Variants in ATXN7L1 observed in about 807,000 individuals in gnomAD.
The protein encoded by ATXN7L1 is ataxin-7-like protein 1.
A neutral mutation model predicts 70.8 loss-of-function variants in ATXN7L1; 15 were observed. That is an observed-to-expected ratio of 0.21 (90% CI 0.14 to 0.33). The LOEUF (loss-of-function observed/expected upper bound fraction) is 0.33, where lower values mean the gene tolerates loss of function less well. Among genes scored for constraint, ATXN7L1 ranks in the 10% least tolerant of loss-of-function variants. ATXN7L1 has a pLI of 1.00. For synonymous variants in ATXN7L1, 440 were observed against 445.1 expected, an observed-to-expected ratio of 0.99 and a Z score of 0.14; for missense variants, 975 against 1,097.1, an observed-to-expected ratio of 0.89 and a Z score of 1.57.
rs200426179 is a variant in ATXN7L1 at position 105,697,339 on chromosome 7, C to G, written c.356-32051G>C. ...GAGGGGCCAGTTCAGAGACCTACCC[C>G]CCTAGGTGCACGTTCTCTTTCTCAG... On this transcript the variant is annotated intron_variant, in intron 3 of 11. Coordinates refer to ENST00000419735, the MANE Select transcript of ATXN7L1 (RefSeq NM_020725.2). 1.8e-4 allele frequency among the ~76,000 whole-genome samples: 28 copies of G among 152,298 alleles called. No individual in the cohort carries two copies. In the East Asian group the frequency reaches 4.6e-3, roughly 25 times the overall value.
At chr7:105,832,188 A>C (rs1389771717) in intron 2 of ATXN7L1, among the ~76,000 whole-genome samples, 1 of 152,216 alleles carries the variant, frequency 6.6e-6, no homozygotes, top group Non-Finnish European at 1.5e-5. Context: ...AGGAAAACCC[A>C]GTTACTTGAC....
intron 4 of ATXN7L1, among the ~76,000 whole-genome samples, chr7:105,648,361 G>GCCC (rs745356134): frequency 1.7e-3 from 256 of 152,268 alleles, no homozygotes; most frequent in Non-Finnish European, 2.2e-3. Flanking sequence ...ACAGAAGCAG[G>GCCC]CAGCTGAGTG....
intron 3 of ATXN7L1, among the ~76,000 whole-genome samples, chr7:105,681,536 C>T (rs947396235): frequency 1.3e-5 from 2 of 152,082 alleles, no homozygotes; most frequent in African/African-American, 2.4e-5. Flanking sequence ...CATGATCACA[C>T]GATCTAGCAA....
Position 105,605,701 on chromosome 7 carries a change from T to C in ATXN7L1, c.*2151A>G, listed in dbSNP as rs1792736861. 2 of 152,200 alleles carry C rather than the reference T, an allele frequency of 1.3e-5. No individual in the cohort carries two copies. Among genetic ancestry groups the C allele is most frequent in the South Asian group, 2.1e-4 (1 of 4,834 alleles). 9.4% of individuals were successfully genotyped at this position (152,200 alleles called of 1,614,324 possible). ...TTTTTGTTTTTACTCCTGCAAGTTTTACAACTCAAAATAAATTATAAAAAA... is the reference window on the plus strand; with the variant it reads ...TTTTTGTTTTTACTCCTGCAAGTTTCACAACTCAAAATAAATTATAAAAAA... On this transcript the variant is annotated 3_prime_UTR_variant, in exon 12 of 12. Transcript: ENST00000419735.
chr7:105,713,612 C>T (rs1254105400), intron 3 of ATXN7L1, among the ~76,000 whole-genome samples: 2 of 152,348 alleles, frequency 1.3e-5, no homozygotes, highest in Non-Finnish European at 2.9e-5. Context: ...TAAACTATAG[C>T]AGGCACAGTG....
rs1804079071 is a variant in ATXN7L1 at position 105,784,947 on chromosome 7, C to A, written c.355+3657G>T. Among the ~76,000 whole-genome samples, 3 of 152,258 alleles carry A rather than the reference C, an allele frequency of 2.0e-5. No individual in the cohort carries two copies. In the South Asian group the frequency reaches 6.2e-4, roughly 32 times the overall value. The stretch of plus-strand genomic sequence containing the variant: ...GTCCATGGGGCTTGGACCCCTGCCC[C>A]AATTTTAACCTCAACAGCTCTGCTT... On this transcript the variant is annotated intron_variant, in intron 3 of 11. Coordinates refer to ENST00000419735, the MANE Select transcript of ATXN7L1 (RefSeq NM_020725.2).
chr7:105,706,986 C>T (rs1322876871), intron 3 of ATXN7L1, among the ~76,000 whole-genome samples: 1 of 152,174 alleles, frequency 6.6e-6, no homozygotes, highest in Admixed American at 6.5e-5. Flanking sequence ...AGGAACACAC[C>T]TGGCATTTTA....
intron 10 of ATXN7L1, 82 bp from the exon 11 acceptor site, chr7:105,610,685 A>C (rs146797358): frequency 1.7e-6 from 2 of 1,208,020 alleles, no homozygotes; most frequent in Non-Finnish European, 2.4e-6. Flanking sequence ...TCTAGGGGAA[A>C]GAAGGGCTGC....
At chr7:105,618,231 G>A in intron 9 of ATXN7L1, 1 of 355,540 alleles carries the variant, frequency 2.8e-6, no homozygotes, top group Admixed American at 3.7e-5. Flanking sequence ...AGGATCACCA[G>A]GGCTGGCTGC....
intron 3 of ATXN7L1, 142 bp downstream of exon 3, chr7:105,788,462 G>C: frequency 1.5e-6 from 1 of 667,244 alleles, no homozygotes; most frequent in East Asian, 2.7e-5. Flanking sequence ...CCTGCGAGCA[G>C]AGGCAGCAGC....
At chr7:105,708,511 G>A (rs1388426469) in intron 3 of ATXN7L1, among the ~76,000 whole-genome samples, 1 of 152,144 alleles carries the variant, frequency 6.6e-6, no homozygotes, top group Non-Finnish European at 1.5e-5. Flanking sequence ...AAATAAATTG[G>A]AGCGCAACTT....
Position 105,638,312 on chromosome 7 carries a change from G to C in ATXN7L1, c.1202+41C>G, listed in dbSNP as rs528334599. The stretch of plus-strand genomic sequence containing the variant: ...CACAGACCCAGCAAGCTAGTCACTT[G>C]ACCAAGCATTCAGGGCTTCTATCGT... On this transcript the variant is annotated intron_variant, in intron 7 of 11. Coordinates refer to ENST00000419735, the MANE Select transcript of ATXN7L1 (RefSeq NM_020725.2). 1.1e-3 allele frequency: 1,645 copies of C among 1,525,992 alleles called. 30 individuals carry two copies. The South Asian group carries it at 0.019, about 18-fold the overall frequency. 94.5% of individuals were successfully genotyped at this position (1,525,992 alleles called of 1,614,324 possible).
intron 3 of ATXN7L1, among the ~76,000 whole-genome samples, chr7:105,692,419 T>TTCCTTCCTTCCCTCCC: frequency 8.1e-6 from 1 of 122,792 alleles, no homozygotes; most frequent in African/African-American, 3.2e-5. Flanking sequence ...CCTTCCTTCC[T>TTCCTTCCTTCCCTCCC]TCCTTCCTCC....
chr7:105,763,264 G>A (rs956135935), intron 3 of ATXN7L1, among the ~76,000 whole-genome samples: 1 of 152,160 alleles, frequency 6.6e-6, no homozygotes, highest in Admixed American at 6.5e-5. Context: ...TCTTGAGGAT[G>A]TCTGGTATCC....
chr7:105,813,413 A>C (rs1273592327), intron 2 of ATXN7L1, among the ~76,000 whole-genome samples: 1 of 151,054 alleles, frequency 6.6e-6, no homozygotes, highest in Non-Finnish European at 1.5e-5. Context: ...TCTCAGTTCA[A>C]TGCAACCTCT....
chr7:105,665,775 G>A (rs1219326754), intron 3 of ATXN7L1, among the ~76,000 whole-genome samples: 1 of 152,202 alleles, frequency 6.6e-6, no homozygotes, highest in East Asian at 1.9e-4. Flanking sequence ...GGCTTGAATC[G>A]AAAGGACTTT....
chr7:105,654,586 A>G (rs1800329356), intron 4 of ATXN7L1, among the ~76,000 whole-genome samples: 1 of 152,248 alleles, frequency 6.6e-6, no homozygotes, highest in South Asian at 2.1e-4. Context: ...CCATCGCTTC[A>G]TCTCTTTGGG....
rs1232202676 is a variant in ATXN7L1, at chr7:105,727,746, GTATATATATATATA to G, written c.355+60844_355+60857del. Among the ~76,000 whole-genome samples, 273 of 55,346 alleles carry G rather than the reference GTATATATATATATA, an allele frequency of 4.9e-3. 8 individuals are homozygous for G. Among genetic ancestry groups the G allele is most frequent in the South Asian group, 8.7e-3 (9 of 1,032 alleles). 36.3% of individuals were successfully genotyped at this position (55,346 alleles called of 152,430 possible). ...CATAGGGGTGTGTGTGTGTATGTGT[GTATATATATATATA>G]TATATATATATATATATACACACAC... On this transcript the variant is annotated intron_variant, in intron 3 of 11. Transcript: ENST00000419735.
chr7:105,684,466 A>G (rs1166926908), intron 3 of ATXN7L1, among the ~76,000 whole-genome samples: 1 of 152,208 alleles, frequency 6.6e-6, no homozygotes, highest in Admixed American at 6.5e-5. Flanking sequence ...TGTTCTGGAC[A>G]TTATTCTCCT....
Sources: gnomAD v4.1 joint callset for allele counts (sites outside exome capture counted in the v4.1 genomes callset) on GRCh38, gnomAD v4.1.1 for gene constraint, MANE v1.5 for transcripts, NCBI Gene and HGNC (gene_info 2026-07-23, HGNC 2026-07-21) for gene names.